LRP1B: variants seen among roughly 807,000 people sequenced by gnomAD.
LRP1B encodes the protein LDL receptor related protein 1B.
LRP1B carries 217 observed loss-of-function variants against 556.6 expected under a neutral mutation model. That is an observed-to-expected ratio of 0.39 (90% CI 0.35 to 0.44). LRP1B has a LOEUF of 0.44. Ranked by LOEUF, LRP1B falls within the 20% of genes least tolerant of loss-of-function variation. The pLI is 1.00. For synonymous variants in LRP1B, 2,047 were observed against 1,865.8 expected (o/e 1.10, Z -2.50); for missense variants, 5,053 against 5,620.8 (o/e 0.90, Z 3.23).
At chr2:140,400,480 T>C (rs1267697049) in intron 66 of LRP1B, among the ~76,000 whole-genome samples, 1 of 152,182 alleles carries the variant, frequency 6.6e-6, no homozygotes, top group Non-Finnish European at 1.5e-5. Flanking sequence ...ATTAGTGGTT[T>C]CTGGAATTAT....
Position 141,957,777 on chromosome 2 carries a change from T to C in LRP1B, c.83-147376A>G, listed in dbSNP as rs182596918. ...CGAGAATATTTTTTAAGAAAGCACA[T>C]GTGAAATTGTGGTGTGACAAAAGAG... On this transcript the variant is annotated intron_variant, in intron 1 of 90. Transcript: ENST00000389484. 1.7e-4 allele frequency among the ~76,000 whole-genome samples: 26 copies of C among 152,202 alleles called. No individual in the cohort carries two copies. The East Asian group carries it at 4.5e-3, about 26-fold the overall frequency.
chr2:140,258,429 C>T (rs1183838429), intron 86 of LRP1B, among the ~76,000 whole-genome samples: 1 of 152,202 alleles, frequency 6.6e-6, no homozygotes, highest in East Asian at 1.9e-4. Flanking sequence ...TTGTAGCCCC[C>T]TTCCCAGTCG....
At chr2:141,042,522 T>C (rs1481086717) in intron 11 of LRP1B, among the ~76,000 whole-genome samples, 1 of 152,120 alleles carries the variant, frequency 6.6e-6, no homozygotes, top group Non-Finnish European at 1.5e-5. Flanking sequence ...AGGCTAATGT[T>C]TTAGTTTACA....
At chr2:141,286,399 A>G (rs571671671) in intron 3 of LRP1B, among the ~76,000 whole-genome samples, 38 of 152,186 alleles carry the variant, frequency 2.5e-4, no homozygotes, top group African/African-American at 8.2e-4. Flanking sequence ...TATAAAGGCT[A>G]TTTGCCATTG....
chr2:140,619,953 T>G (rs1226645471), intron 41 of LRP1B, among the ~76,000 whole-genome samples: 1 of 152,210 alleles, frequency 6.6e-6, no homozygotes, highest in African/African-American at 2.4e-5. Flanking sequence ...TAGATATTTT[T>G]AAACATCATA....
At chr2:141,073,102 T>C (rs12464862) in intron 7 of LRP1B, among the ~76,000 whole-genome samples, 132,825 of 152,062 alleles carry the variant, frequency 0.87, 58,288 homozygotes, top group Non-Finnish European at 0.91. Flanking sequence ...TTAAACCACC[T>C]TCCATTTATA....
chr2:142,058,147 T>G (rs1181560994), intron 1 of LRP1B, among the ~76,000 whole-genome samples: 1 of 152,186 alleles, frequency 6.6e-6, no homozygotes, highest in African/African-American at 2.4e-5. Flanking sequence ...ATTATTTTGT[T>G]AAGATGTTGA....
intron 3 of LRP1B, among the ~76,000 whole-genome samples, chr2:141,368,813 G>A (rs539423617): frequency 3.4e-4 from 51 of 152,210 alleles, no homozygotes; most frequent in African/African-American, 1.2e-3. Flanking sequence ...CAATAAGTTC[G>A]ATTGAGATAC....
chr2:140,509,851 G>A (rs2104916043), intron 52 of LRP1B, 77 bp downstream of exon 52: 4 of 1,551,064 alleles, frequency 2.6e-6, no homozygotes, highest in Non-Finnish European at 3.5e-6. Flanking sequence ...ATGTGCTATG[G>A]CAAATACTAC....
intron 18 of LRP1B, among the ~76,000 whole-genome samples, chr2:140,958,861 T>C (rs538064322): frequency 2.0e-5 from 3 of 151,304 alleles, no homozygotes; most frequent in South Asian, 4.2e-4. Flanking sequence ...TTTTAGAAAA[T>C]AATTTACCCA....
At chr2:142,127,268 G>A (rs1707689368) in intron 1 of LRP1B, among the ~76,000 whole-genome samples, 1 of 151,682 alleles carries the variant, frequency 6.6e-6, no homozygotes. Flanking sequence ...TTCATATAAT[G>A]TTTTTAATAA....
chr2:141,693,316 C>T (rs146368709), intron 2 of LRP1B, among the ~76,000 whole-genome samples: 8 of 151,974 alleles, frequency 5.3e-5, no homozygotes, highest in South Asian at 4.2e-4. Flanking sequence ...TGGCAACAAC[C>T]GCAAAATGAG....
chr2:141,134,987 T>A (rs1701455409), intron 7 of LRP1B, among the ~76,000 whole-genome samples: 1 of 151,852 alleles, frequency 6.6e-6, no homozygotes, highest in South Asian at 2.1e-4. Flanking sequence ...AACATTAAAA[T>A]ACAAGTATTG....
At chr2:141,155,397 C>T (rs189409083) in intron 7 of LRP1B, among the ~76,000 whole-genome samples, 2 of 151,756 alleles carry the variant, frequency 1.3e-5, no homozygotes, top group Non-Finnish European at 2.9e-5. Flanking sequence ...TTGGTAAGTA[C>T]ATGAAATATA....
At chr2:140,255,032 A>G (rs993813983) in intron 86 of LRP1B, among the ~76,000 whole-genome samples, 4 of 152,226 alleles carry the variant, frequency 2.6e-5, no homozygotes, top group Non-Finnish European at 5.9e-5. Flanking sequence ...AAAATAATGC[A>G]ATCAAAAATT....
At position 141,483,493 on chromosome 2, in the gene LRP1B, G is replaced by C. The variant is rs1186177511; in HGVS notation, c.206-2960C>G. 4.0e-5 allele frequency among the ~76,000 whole-genome samples: 5 copies of C among 123,500 alleles called. No homozygotes were observed. The East Asian group carries it at 1.1e-3, about 27-fold the overall frequency. 81.0% of individuals were successfully genotyped at this position (123,500 alleles called of 152,430 possible). On this transcript the variant is annotated intron_variant, in intron 2 of 90. Transcript: ENST00000389484. ...GTATATAGCCAGTAATGGGATGGCTGGTTCAAATGGTATTTCTAGTTCTAG... is the reference window on the plus strand; with the variant it reads ...GTATATAGCCAGTAATGGGATGGCTCGTTCAAATGGTATTTCTAGTTCTAG...
At chr2:142,056,600 A>T (rs561769254) in intron 1 of LRP1B, among the ~76,000 whole-genome samples, 1 of 152,210 alleles carries the variant, frequency 6.6e-6, no homozygotes, top group East Asian at 1.9e-4. Context: ...ACAAACACAA[A>T]CACAAAGAGA....
In LRP1B at chr2:141,657,522, G is replaced by T. The variant is rs565306095; in HGVS notation, c.205+152757C>A. Reference sequence around the variant, plus strand: ...AATTTAAATTAACTGAATTTCAAGGGCCTCTGTTGAGTTCACACTATTGTA... The same window carrying T: ...AATTTAAATTAACTGAATTTCAAGGTCCTCTGTTGAGTTCACACTATTGTA... On this transcript the variant is annotated intron_variant, in intron 2 of 90. Transcript: ENST00000389484. 1.2e-4 allele frequency among the ~76,000 whole-genome samples: 18 copies of T among 152,162 alleles called. No individual in the cohort carries two copies. In the South Asian group the frequency reaches 3.7e-3, roughly 32 times the overall value.
At chr2:141,637,504 C>T (rs1182980782) in intron 2 of LRP1B, among the ~76,000 whole-genome samples, 1 of 152,176 alleles carries the variant, frequency 6.6e-6, no homozygotes, top group Non-Finnish European at 1.5e-5. Flanking sequence ...AGAAACTCTG[C>T]TATTTATATT....
Sources: gnomAD v4.1 joint callset for allele counts (sites outside exome capture counted in the v4.1 genomes callset) on GRCh38, gnomAD v4.1.1 for gene constraint, MANE v1.5 for transcripts, NCBI Gene and HGNC (gene_info 2026-07-23, HGNC 2026-07-21) for gene names.